The following OGDHL variants were observed in gnomAD, a reference collection of about 807,000 sequenced individuals.
OGDHL encodes oxoglutarate dehydrogenase L, also known as 2-oxoglutarate dehydrogenase-like, mitochondrial.
A neutral mutation model predicts 109.6 loss-of-function variants in OGDHL; 79 were observed. The observed-to-expected ratio is 0.72, with a 90% CI of 0.60 to 0.87. The LOEUF (loss-of-function observed/expected upper bound fraction) is 0.87. OGDHL is among the 40% of genes least tolerant of loss of function. The pLI, the probability that OGDHL is intolerant of heterozygous loss-of-function variation, is 0.00. For missense variants in OGDHL, 1,275 were observed against 1,362.2 expected (o/e 0.94, Z 1.01); for synonymous variants, 528 against 537.2 (o/e 0.98, Z 0.24).
Position 49,735,145 on chromosome 10 carries a change from C to T in OGDHL, c.*83G>A, listed in dbSNP as rs1446971277. The T allele has an allele frequency of 2.6e-6, 4 of 1,539,344 alleles. No homozygotes were observed. The highest frequency in any genetic ancestry group is 3.8e-5 in the Admixed American group (2 of 52,406). On this transcript the variant is annotated 3_prime_UTR_variant, in exon 23 of 23. Transcript: ENST00000374103. ...GGGGCCCCACAGCCCCTCTCCTGGG[C>T]AGGAGCTCCGCCCCTCCCCTTTTCA...
At chr10:49,756,713 A>G (rs1483740750) in intron 3 of OGDHL, 63 bp downstream of exon 3, 1 of 1,488,606 alleles carries the variant, frequency 6.7e-7, no homozygotes, top group Non-Finnish European at 9.0e-7. Flanking sequence ...CCTTCCCTTC[A>G]GTGCCTGGCC....
At chr10:49,741,561 A>C (rs1287974094) in intron 15 of OGDHL, among the ~76,000 whole-genome samples, 1 of 152,012 alleles carries the variant, frequency 6.6e-6, no homozygotes, top group African/African-American at 2.4e-5. Flanking sequence ...TGGACAACTG[A>C]CAAGTGTCAA....
chr10:49,754,432 T>C (rs1046532684), intron 3 of OGDHL, among the ~76,000 whole-genome samples: 6 of 152,188 alleles, frequency 3.9e-5, no homozygotes, highest in Non-Finnish European at 8.8e-5. Flanking sequence ...TGAAAATCAC[T>C]GAATAAAAGA....
chr10:49,744,477 C>T (rs1404605113), intron 13 of OGDHL, among the ~76,000 whole-genome samples, 173 bp downstream of exon 13: 2 of 152,114 alleles, frequency 1.3e-5, no homozygotes, highest in Non-Finnish European at 2.9e-5. Flanking sequence ...GAGGGCAATG[C>T]TATCCTTGAC....
At position 49,746,878 on chromosome 10, in the gene OGDHL, C is replaced by T; in HGVS notation, c.1168G>A (p.Val390Ile). 1 of 1,614,156 alleles carries T rather than the reference C, an allele frequency of 6.2e-7. No homozygotes were observed. Among genetic ancestry groups the T allele is most frequent in the Non-Finnish European group, 8.5e-7 (1 of 1,180,022 alleles). ...FYRGDAQGKK[V>I]MSILVHGDAA... is the part of the protein sequence containing the mutation. The stretch of plus-strand genomic sequence containing the variant: ...TCCCCATGAACCAGGATGGACATGA[C>T]CTGCAGGGCAGGTGTGAGCCAGGAG... The change falls in exon 10 of 23, where the codon GTC (valine) becomes ATC (isoleucine). Residue 390 changes from valine (V) to isoleucine (I), a missense_variant and splice_region_variant. Physicochemically the swap from Val to Ile is conservative, Grantham distance 29 (BLOSUM62 3). Coordinates refer to ENST00000374103, the MANE Select transcript of OGDHL (RefSeq NM_018245.3).
intron 3 of OGDHL, among the ~76,000 whole-genome samples, chr10:49,753,164 T>C (rs1842716092): frequency 6.6e-6 from 1 of 152,200 alleles, no homozygotes. Flanking sequence ...AAAAATATTG[T>C]TAAGCAAAAA....
chr10:49,737,803 A>G lies in OGDHL; in HGVS notation c.2573T>C (p.Phe858Ser). ...GCACGTACCGGATACCATTTGGTCA[A>G]AGCTGGACTTGGCCTCTGGGTGCCT... ...LLRHPEAKSSFDQMVSGTSFQ... is the reference protein window; with the variant it reads ...LLRHPEAKSSSDQMVSGTSFQ... The change falls in exon 20 of 23, where the codon TTT (phenylalanine) becomes TCT (serine). Residue 858 changes from phenylalanine to serine, a missense_variant. Physicochemically the swap from Phe to Ser is radical, Grantham distance 155. Transcript: ENST00000374103. The G allele has an allele frequency of 6.2e-7, 1 of 1,614,176 alleles. No individual in the cohort carries two copies. The highest frequency in any genetic ancestry group is 8.5e-7 in the Non-Finnish European group (1 of 1,180,010).
At chr10:49,746,965 A>G in intron 9 of OGDHL, 64 bp downstream of exon 9, 4 of 1,607,758 alleles carry the variant, frequency 2.5e-6, no homozygotes, top group Non-Finnish European at 3.4e-6. Context: ...CCCAGGGTCC[A>G]GCCCAGCCCT....
Position 49,745,360 on chromosome 10 carries a change from G to A in OGDHL, c.1613C>T (p.Thr538Ile). The A allele has an allele frequency of 6.2e-7, 1 of 1,613,880 alleles. No individual in the cohort carries two copies. Among genetic ancestry groups the A allele is most frequent in the South Asian group, 1.1e-5 (1 of 91,078 alleles). The change falls in exon 12 of 23, where the codon ACC (threonine) becomes ATC (isoleucine). Residue 538 changes from threonine to isoleucine, a missense_variant. Thr to Ile is a moderately conservative substitution (Grantham distance 89, BLOSUM62 -1). Coordinates refer to ENST00000374103, the MANE Select transcript of OGDHL (RefSeq NM_018245.3). The part of the protein sequence containing the change: ...ADKLIAEGTV[T>I]LQEFEEEIAK... ...CCTGCCCACCTCAAACTCCTGCAGG[G>A]TGACTGTGCCCTCGGCAATCAGCTT...
At chr10:49,748,765 C>CAA (rs201949520) in intron 8 of OGDHL, among the ~76,000 whole-genome samples, 28,669 of 151,046 alleles carry the variant, frequency 0.19, 3,404 homozygotes, top group Non-Finnish European at 0.27. Flanking sequence ...CACACACACA[C>CAA]ACACACACAC....
intron 2 of OGDHL, 62 bp downstream of exon 2, chr10:49,758,327 C>A: frequency 1.3e-6 from 2 of 1,520,558 alleles, no homozygotes; most frequent in Non-Finnish European, 1.8e-6. Flanking sequence ...TGCCCTGCCA[C>A]AGCCCGGCCC....
chr10:49,751,183 G>A (rs1383237590), intron 6 of OGDHL, among the ~76,000 whole-genome samples, 198 bp from the exon 7 acceptor site: 1 of 151,998 alleles, frequency 6.6e-6, no homozygotes, highest in Non-Finnish European at 1.5e-5. Flanking sequence ...AGGGTTAGGG[G>A]AGGCTAGGCA....
rs7922150 is a variant in OGDHL, at chr10:49,736,238, C to T, written c.2755-61G>A. On this transcript the variant is annotated intron_variant, in intron 21 of 22. Coordinates refer to ENST00000374103, the MANE Select transcript of OGDHL (RefSeq NM_018245.3). The stretch of plus-strand genomic sequence containing the variant: ...AGGGGCGGTATGTCCCCAGCACCCC[C>T]GGACAGGAGGCACAGGGCCTCACCG... The T allele has an allele frequency of 0.036, 56,134 of 1,570,736 alleles. 1,272 individuals carry two copies. The highest frequency in any genetic ancestry group is 0.087 in the South Asian group (7,180 of 82,882).
chr10:49,758,578 C>A lies in OGDHL; in HGVS notation c.15G>T (p.Arg5Ser), dbSNP rs1038821358. The change falls in exon 2 of 23, where the codon AGG becomes AGT. Residue 5 changes from arginine to serine, a missense_variant. By Grantham distance (110) the Arg-to-Ser change is moderately radical. Coordinates refer to ENST00000374103, the MANE Select transcript of OGDHL (RefSeq NM_018245.3). ...GTACCCCAAGACGGGACGGCAGCAG[C>A]CTCAGCTGACTCATTCTGGACACAG... Reference protein sequence around the residue: MSQLRLLPSRLGVQA... With the variant: MSQLSLLPSRLGVQA... 3 of 1,613,822 alleles carry A rather than the reference C, an allele frequency of 1.9e-6. No homozygotes were observed. Among genetic ancestry groups the A allele is most frequent in the East Asian group, 2.2e-5 (1 of 44,876 alleles).
rs1293612674 is a variant in OGDHL at position 49,747,143 on chromosome 10, C to G, written c.1053G>C (p.Arg351=). ...YHERINRVTN[R]NITLSLVANP... Reference sequence around the variant, plus strand: ...TGGCAACCAGCGACAGAGTGATGTTCCGGTTGGTGACGCGGTTGATCCTCT... The same window carrying G: ...TGGCAACCAGCGACAGAGTGATGTTGCGGTTGGTGACGCGGTTGATCCTCT... Residue 351 remains arginine, a synonymous_variant, in exon 9 of 23, where the codon CGG becomes CGC. Transcript: ENST00000374103. 3 of 1,614,068 alleles carry G rather than the reference C, an allele frequency of 1.9e-6. No individual in the cohort carries two copies. The highest frequency in any genetic ancestry group is 8.5e-7 in the Non-Finnish European group (1 of 1,180,018).
Position 49,738,024 on chromosome 10 carries a change from T to C in OGDHL, c.2440A>G (p.Ile814Val). The C allele has an allele frequency of 6.2e-7, 1 of 1,614,046 alleles. No individual in the cohort carries two copies. Among genetic ancestry groups the C allele is most frequent in the Non-Finnish European group, 8.5e-7 (1 of 1,180,006 alleles). Residue 814 changes from isoleucine (I) to valine (V), a missense_variant, in exon 19 of 23, where the codon ATC becomes GTC. Physicochemically the swap from Ile to Val is conservative, Grantham distance 29. Transcript: ENST00000374103. ...GCCGGTGTGGAGCAGTTGACCACGATCCAGTTGCAGTCATAGAGCTGGCTC... is the reference window on the plus strand; with the variant it reads ...GCCGGTGTGGAGCAGTTGACCACGACCCAGTTGCAGTCATAGAGCTGGCTC... ...EVSQLYDCNW[I>V]VVNCSTPANY...
At chr10:49,762,191 G>C (rs1843337778) in intron 1 of OGDHL, 48 bp downstream of exon 1, 1 of 152,568 alleles carries the variant, frequency 6.6e-6, no homozygotes, top group South Asian at 2.1e-4. Context: ...AGGACGGCAG[G>C]AGAAGCAGCG....
In OGDHL at chr10:49,744,004, C is replaced by T; in HGVS notation, c.1851G>A (p.Lys617=). 6.2e-7 allele frequency: 1 copy of T among 1,613,866 alleles called. No individual in the cohort carries two copies. Among genetic ancestry groups the T allele is most frequent in the Non-Finnish European group, 8.5e-7 (1 of 1,179,810 alleles). The part of the protein sequence containing the change: ...VASSVPLEDF[K]IHTGLSRILR... ...GTCCAGCAACCTCACCAGTGTGGAT[C>T]TTAAAGTCCTCCAGGGGCACAGAGC... Residue 617 remains lysine, a synonymous_variant, in exon 14 of 23, where the codon AAG becomes AAA. Coordinates refer to ENST00000374103, the MANE Select transcript of OGDHL (RefSeq NM_018245.3).
Position 49,747,206 on chromosome 10 carries a change from G to A in OGDHL, c.990C>T (p.Gly330=), listed in dbSNP as rs1283818714. ...FDPKLEAADE[G]SGDVKYHLGM... Reference sequence around the variant, plus strand: ...CCAGGTGGTACTTGACATCCCCGGAGCCCTGAAGGTGGAGATGGGAACATG... The same window carrying A: ...CCAGGTGGTACTTGACATCCCCGGAACCCTGAAGGTGGAGATGGGAACATG... Residue 330 remains glycine (G), a splice_region_variant and synonymous_variant, in exon 9 of 23, where the codon GGC becomes GGT. Transcript: ENST00000374103. The A allele has an allele frequency of 2.5e-6, 4 of 1,613,816 alleles. No homozygotes were observed. Among genetic ancestry groups the A allele is most frequent in the Non-Finnish European group, 3.4e-6 (4 of 1,179,782 alleles).
Sources: allele counts gnomAD v4.1 joint callset (sites outside exome capture counted in the v4.1 genomes callset), GRCh38; gene constraint gnomAD v4.1.1; transcripts MANE v1.5; gene names NCBI Gene and HGNC (gene_info 2026-07-23, HGNC 2026-07-21).